Variants in PRKCA observed in about 807,000 individuals in gnomAD.
PRKCA encodes the protein protein kinase C alpha type.
A neutral mutation model predicts 87.0 loss-of-function variants in PRKCA; 27 were observed. That is an observed-to-expected ratio of 0.31 (90% confidence interval 0.23 to 0.43). PRKCA has a LOEUF of 0.43. PRKCA is among the 20% of genes least tolerant of loss of function. The probability of loss-of-function intolerance (pLI) is 1.00; values close to 1 mark genes in which losing one functional copy is unlikely to be tolerated. For synonymous variants in PRKCA, 329 were observed against 311.1 expected (o/e 1.06, Z -0.61); for missense variants, 518 against 852.3 (o/e 0.61, Z 4.88).
intron 3 of PRKCA, among the ~76,000 whole-genome samples, chr17:66,527,821 G>A (rs1340328293): frequency 6.6e-6 from 1 of 152,090 alleles, no homozygotes; most frequent in Admixed American, 6.5e-5. Context: ...TTTTTAACTG[G>A]GTGGGACTTG....
chr17:66,680,136 C>T (rs1972450073), intron 5 of PRKCA, among the ~76,000 whole-genome samples: 1 of 152,188 alleles, frequency 6.6e-6, no homozygotes, highest in South Asian at 2.1e-4. Flanking sequence ...GACACTAAAT[C>T]TCGCCTGTTT....
chr17:66,484,070 T>C (rs1567852447), intron 2 of PRKCA, among the ~76,000 whole-genome samples: 1 of 152,104 alleles, frequency 6.6e-6, no homozygotes, highest in Non-Finnish European at 1.5e-5. Context: ...GGTGAAAGTC[T>C]CGCCTTACAT....
At chr17:66,745,377 G>A (rs1974248556) in intron 13 of PRKCA, among the ~76,000 whole-genome samples, 1 of 152,182 alleles carries the variant, frequency 6.6e-6, no homozygotes, top group South Asian at 2.1e-4. Flanking sequence ...CCGTGTGCCA[G>A]GCACATGATA....
intron 3 of PRKCA, among the ~76,000 whole-genome samples, chr17:66,575,718 T>C (rs1445598110): frequency 6.6e-6 from 1 of 152,222 alleles, no homozygotes; most frequent in African/African-American, 2.4e-5. Flanking sequence ...ACCTTATGCA[T>C]TGGTGTGAGG....
chr17:66,718,132 A>G (rs886215342), intron 8 of PRKCA, among the ~76,000 whole-genome samples: 2 of 152,148 alleles, frequency 1.3e-5, no homozygotes, highest in African/African-American at 2.4e-5. Context: ...GCAAAATACC[A>G]TAAACTGCAT....
intron 11 of PRKCA, 92 bp downstream of exon 11, chr17:66,738,947 C>T: frequency 1.0e-6 from 1 of 972,244 alleles, no homozygotes; most frequent in Non-Finnish European, 1.6e-6. Context: ...GATTGGGGGT[C>T]TCACTCTGTC....
chr17:66,572,632 T>C (rs1438273881), intron 3 of PRKCA, among the ~76,000 whole-genome samples: 1 of 152,106 alleles, frequency 6.6e-6, no homozygotes, highest in Non-Finnish European at 1.5e-5. Context: ...CCCAACTAAC[T>C]GGGACCATAG....
chr17:66,403,221 A>G (rs964837891), intron 2 of PRKCA, among the ~76,000 whole-genome samples: 19 of 152,198 alleles, frequency 1.2e-4, no homozygotes, highest in African/African-American at 4.3e-4. Context: ...AATGTGGTTT[A>G]ATATTACATG....
chr17:66,593,617 A>C (rs1466015759), intron 3 of PRKCA, among the ~76,000 whole-genome samples: 1 of 152,246 alleles, frequency 6.6e-6, no homozygotes, highest in Non-Finnish European at 1.5e-5. Flanking sequence ...TTGGGGACAA[A>C]GAGCAGATTC....
intron 3 of PRKCA, among the ~76,000 whole-genome samples, chr17:66,534,751 G>C (rs1054633097): frequency 6.6e-6 from 1 of 152,118 alleles, no homozygotes; most frequent in African/African-American, 2.4e-5. Context: ...TGTAACATGA[G>C]GGAAATGGAC....
intron 8 of PRKCA, among the ~76,000 whole-genome samples, chr17:66,729,239 T>C (rs1488777971): frequency 6.6e-6 from 1 of 151,862 alleles, no homozygotes; most frequent in Non-Finnish European, 1.5e-5. Context: ...CCATATCTAC[T>C]AAAAATAAAA....
chr17:66,636,102 C>A (rs542134984), intron 3 of PRKCA, among the ~76,000 whole-genome samples: 1 of 152,232 alleles, frequency 6.6e-6, no homozygotes, highest in African/African-American at 2.4e-5. Context: ...CTGATCCCAC[C>A]CAATACATTT....
intron 2 of PRKCA, among the ~76,000 whole-genome samples, chr17:66,477,302 C>T (rs1197616839): frequency 6.6e-6 from 1 of 152,204 alleles, no homozygotes; most frequent in African/African-American, 2.4e-5. Flanking sequence ...GTAACAGCAG[C>T]ATGTAGTTCT....
At chr17:66,366,858 G>A (rs745942475) in intron 2 of PRKCA, among the ~76,000 whole-genome samples, 1 of 152,056 alleles carries the variant, frequency 6.6e-6, no homozygotes, top group African/African-American at 2.4e-5. Context: ...TCCAAAATCA[G>A]TCTTTTAAAA....
At chr17:66,375,427 C>A (rs1408767298) in intron 2 of PRKCA, among the ~76,000 whole-genome samples, 1 of 152,182 alleles carries the variant, frequency 6.6e-6, no homozygotes, top group Non-Finnish European at 1.5e-5. Context: ...ATGCTTCATT[C>A]TTCCTTGGTC....
chr17:66,482,871 A>G (rs1400069957), intron 2 of PRKCA, among the ~76,000 whole-genome samples: 2 of 152,172 alleles, frequency 1.3e-5, no homozygotes, highest in Non-Finnish European at 2.9e-5. Context: ...GGCAACTTCT[A>G]TTTCCTAATT....
intron 5 of PRKCA, among the ~76,000 whole-genome samples, chr17:66,655,272 T>C (rs1814346521): frequency 1.3e-5 from 2 of 152,330 alleles, no homozygotes; most frequent in South Asian, 4.1e-4. Context: ...ATCAGTGTCT[T>C]ATGTCCACAT....
intron 13 of PRKCA, among the ~76,000 whole-genome samples, chr17:66,755,900 G>A (rs1203350279): frequency 6.6e-6 from 1 of 152,142 alleles, no homozygotes; most frequent in Non-Finnish European, 1.5e-5. Context: ...GGAAAAATGA[G>A]GTAACAGGGC....
intron 2 of PRKCA, among the ~76,000 whole-genome samples, chr17:66,354,352 G>A (rs897644246): frequency 9.2e-5 from 14 of 152,254 alleles, no homozygotes; most frequent in African/African-American, 2.9e-4. Flanking sequence ...GCAGGCTCTG[G>A]GTCCTCACCT....
Sources: gnomAD v4.1 joint callset for allele counts (sites outside exome capture counted in the v4.1 genomes callset) on GRCh38, gnomAD v4.1.1 for gene constraint, MANE v1.5 for transcripts, NCBI Gene and HGNC (gene_info 2026-07-23, HGNC 2026-07-21) for gene names.